TXNRD1: variants seen among roughly 807,000 people sequenced by gnomAD.
TXNRD1 encodes thioredoxin reductase 1.
A neutral mutation model predicts 80.3 loss-of-function variants in TXNRD1; 57 were observed. The observed-to-expected ratio is 0.71, with a 90% CI of 0.57 to 0.89. The LOEUF is 0.89. Ranked by LOEUF, TXNRD1 falls within the 40% of genes least tolerant of loss-of-function variation. The pLI is 0.00. For synonymous variants in TXNRD1, 291 were observed against 285.2 expected (o/e 1.02, Z -0.20); for missense variants, 730 against 803.0 (o/e 0.91, Z 1.10).
chr12:104,223,697 G>A (rs552221214), intron 1 of TXNRD1, among the ~76,000 whole-genome samples: 2 of 152,138 alleles, frequency 1.3e-5, no homozygotes, highest in East Asian at 1.9e-4. Flanking sequence ...AAGCTAAACC[G>A]GGAGGTGACC....
chr12:104,273,408 C>A (rs1452732870), intron 3 of TXNRD1, among the ~76,000 whole-genome samples: 1 of 152,086 alleles, frequency 6.6e-6, no homozygotes, highest in Admixed American at 6.6e-5. Context: ...GCCTGGCCAA[C>A]GTAGTGAAAC....
In TXNRD1 at chr12:104,339,338, A is replaced by G; in HGVS notation, c.1881+65A>G. On this transcript the variant is annotated intron_variant, in intron 16 of 16. Coordinates refer to ENST00000525566, the MANE Select transcript of TXNRD1 (RefSeq NM_001093771.3). ...TGTGCCACATAGAAGCACACCACCC[A>G]GCTTATACATGGCAGATGTAGGACC... 1.4e-5 allele frequency: 23 copies of G among 1,600,624 alleles called. 1 individual carries two copies. In the South Asian group the frequency reaches 2.5e-4, roughly 18 times the overall value.
chr12:104,339,226 A>T lies in TXNRD1; in HGVS notation c.1834A>T (p.Lys612Ter). Residue 612 changes from lysine (K) to a stop codon, truncating the protein, a stop_gained, in exon 16 of 17, where the codon AAA becomes TAA. Coordinates refer to ENST00000525566, the MANE Select transcript of TXNRD1 (RefSeq NM_001093771.3). LOFTEE classifies it high-confidence loss of function. ...FAAALKCGLTKKQLDSTIGIH... is the reference protein window; with the variant it reads ...FAAALKCGLT ...AGCTGCGCTCAAATGTGGACTGACCAAAAAGCAGCTGGACAGCACAATTGG... is the reference window on the plus strand; with the variant it reads ...AGCTGCGCTCAAATGTGGACTGACCTAAAAGCAGCTGGACAGCACAATTGG... The T allele has an allele frequency of 6.2e-7, 1 of 1,613,990 alleles. No individual in the cohort carries two copies.
chr12:104,246,521 T>C (rs2032998868), intron 1 of TXNRD1, among the ~76,000 whole-genome samples: 2 of 97,284 alleles, frequency 2.1e-5, no homozygotes. Context: ...TATTGCTTTG[T>C]GATGGTTTTT....
intron 7 of TXNRD1, 129 bp downstream of exon 7, chr12:104,316,025 G>A: frequency 1.0e-6 from 1 of 999,302 alleles, no homozygotes; most frequent in South Asian, 1.7e-5. Context: ...CATTTTTGAT[G>A]GATATAATCA....
chr12:104,254,644 A>AATATATATATATAT (rs1178469026), intron 2 of TXNRD1, among the ~76,000 whole-genome samples: 6 of 93,628 alleles, frequency 6.4e-5, no homozygotes, highest in South Asian at 3.6e-4. Flanking sequence ...AAAAAAAAAA[A>AATATATATATATAT]ATATATATAT....
intron 13 of TXNRD1, among the ~76,000 whole-genome samples, chr12:104,328,065 A>G (rs1240568742): frequency 1.3e-5 from 2 of 151,824 alleles, no homozygotes; most frequent in Non-Finnish European, 2.9e-5. Flanking sequence ...AGGCTGAGGC[A>G]GGAGAATTGC....
At chr12:104,330,972 A>G (rs2035928486) in intron 13 of TXNRD1, among the ~76,000 whole-genome samples, 1 of 152,110 alleles carries the variant, frequency 6.6e-6, no homozygotes, top group African/African-American at 2.4e-5. Context: ...CCTTTTCTGT[A>G]TATCAAACTA....
At chr12:104,299,762 C>T (rs1443621930) in intron 4 of TXNRD1, among the ~76,000 whole-genome samples, 1 of 125,084 alleles carries the variant, frequency 8.0e-6, no homozygotes, top group Non-Finnish European at 1.7e-5. Flanking sequence ...AACAAGACTC[C>T]GTCTCAAAAA....
chr12:104,322,315 G>A (rs944835247), intron 10 of TXNRD1, among the ~76,000 whole-genome samples: 8 of 151,140 alleles, frequency 5.3e-5, no homozygotes, highest in Non-Finnish European at 1.2e-4. Flanking sequence ...TGAAGATTAA[G>A]GCACAAATTT....
intron 6 of TXNRD1, 36 bp downstream of exon 6, chr12:104,313,353 G>T: frequency 6.7e-7 from 1 of 1,486,006 alleles, no homozygotes; most frequent in Non-Finnish European, 9.1e-7. Flanking sequence ...TGATGTTGCC[G>T]AAGTAGTTTT....
chr12:104,311,401 G>A lies in TXNRD1; in HGVS notation c.526G>A (p.Ala176Thr), dbSNP rs770512643. The change falls in exon 5 of 17, where the codon GCA becomes ACA. Residue 176 changes from alanine (A) to threonine (T), a missense_variant. Physicochemically the swap from Ala to Thr is moderately conservative, Grantham distance 58. Transcript: ENST00000525566. ...CATTGGAGGTGGCTCAGGAGGTCTG[G>A]CAGCTGCTAAGGCAAGGCTCCTTGT... is the stretch of plus-strand genomic sequence containing the variant. ...IIIGGGSGGL[A>T]AAKEAAQYGK... 6 of 1,613,428 alleles carry A rather than the reference G, an allele frequency of 3.7e-6. No individual in the cohort carries two copies. In the Admixed American group the frequency reaches 1.0e-4, roughly 27 times the overall value.
At chr12:104,263,894 G>T (rs540599263) in intron 3 of TXNRD1, among the ~76,000 whole-genome samples, 16 of 152,158 alleles carry the variant, frequency 1.1e-4, no homozygotes, top group Non-Finnish European at 2.1e-4. Flanking sequence ...CCTCACAACA[G>T]CTTTGTGTGG....
intron 3 of TXNRD1, among the ~76,000 whole-genome samples, chr12:104,269,256 A>G (rs1365289040): frequency 6.6e-6 from 1 of 152,038 alleles, no homozygotes; most frequent in Non-Finnish European, 1.5e-5. Flanking sequence ...AGTAGATTCT[A>G]TTTCTAGAAA....
At position 104,299,747 on chromosome 12, in the gene TXNRD1, A is replaced by C. The variant is rs180895388; in HGVS notation, c.414+10707A>C. On this transcript the variant is annotated intron_variant, in intron 4 of 16. Transcript: ENST00000525566. The stretch of plus-strand genomic sequence containing the variant: ...GTGCCATTGCACTCCAGCCTGGGTG[A>C]CAAGAACAAGACTCCGTCTCAAAAA... Among the ~76,000 whole-genome samples the C allele has an allele frequency of 2.5e-3, 371 of 149,514 alleles. 5 individuals carry two copies. Among genetic ancestry groups the C allele is most frequent in the East Asian group, 9.0e-3 (46 of 5,124 alleles).
At chr12:104,262,174 G>C (rs1265446885) in intron 3 of TXNRD1, 1 of 147,092 alleles carries the variant, frequency 6.8e-6, no homozygotes, top group Admixed American at 6.9e-5. Flanking sequence ...GGAGGTTGCA[G>C]TGCGCTGAGA....
At chr12:104,252,675 T>C (rs1431429504) in intron 2 of TXNRD1, among the ~76,000 whole-genome samples, 63 of 113,490 alleles carry the variant, frequency 5.6e-4, no homozygotes, top group African/African-American at 2.2e-3. Flanking sequence ...TATATATATA[T>C]ATATATATAT....
chr12:104,315,939 G>A (rs1468212464), intron 7 of TXNRD1, 43 bp downstream of exon 7: 13 of 1,569,046 alleles, frequency 8.3e-6, no homozygotes, highest in Admixed American at 1.8e-5. Flanking sequence ...GCTTTTGGGG[G>A]TTTGAGCTGC....
At chr12:104,335,432 T>G (rs1565912470) in intron 15 of TXNRD1, among the ~76,000 whole-genome samples, 3 of 152,142 alleles carry the variant, frequency 2.0e-5, no homozygotes, top group Non-Finnish European at 4.4e-5. Context: ...ACTCCTGACC[T>G]CAGGTGATCC....
Sources: gnomAD v4.1 joint callset for allele counts (sites outside exome capture counted in the v4.1 genomes callset) on GRCh38, gnomAD v4.1.1 for gene constraint, MANE v1.5 for transcripts, NCBI Gene and HGNC (gene_info 2026-07-23, HGNC 2026-07-21) for gene names.